The following INO80 variants were observed in gnomAD, a reference collection of about 807,000 sequenced individuals.
The protein encoded by INO80 is chromatin-remodeling ATPase INO80.
Under a neutral mutation model 203.4 loss-of-function variants are expected in INO80, and 20 were observed. The observed-to-expected ratio is 0.10, with a 90% confidence interval of 0.07 to 0.14. INO80 has a LOEUF of 0.14. Among genes scored for constraint, INO80 ranks in the 10% least tolerant of loss-of-function variants. INO80 has a pLI of 1.00. For synonymous variants in INO80, 726 were observed against 685.2 expected, an observed-to-expected ratio of 1.06 and a Z score of -0.93; for missense variants, 1,419 against 1,914.4, an observed-to-expected ratio of 0.74 and a Z score of 4.83.
intron 35 of INO80, among the ~76,000 whole-genome samples, chr15:40,981,295 C>T (rs1893819198): frequency 1.3e-5 from 2 of 152,272 alleles, no homozygotes; most frequent in South Asian, 2.1e-4. Flanking sequence ...CTCACCCTTT[C>T]TGCCCTCTAC....
intron 7 of INO80, among the ~76,000 whole-genome samples, chr15:41,081,433 A>C (rs566690887): frequency 6.6e-6 from 1 of 152,338 alleles, no homozygotes; most frequent in South Asian, 2.1e-4. Flanking sequence ...TGCAAGGCTG[A>C]GAGAGCAGGG....
chr15:40,981,392 T>G (rs887574234), intron 35 of INO80, among the ~76,000 whole-genome samples: 2 of 152,224 alleles, frequency 1.3e-5, no homozygotes, highest in African/African-American at 4.8e-5. Flanking sequence ...CCTGGACTAC[T>G]GGCATGACTG....
At chr15:41,093,580 T>C (rs1001703290) in intron 4 of INO80, among the ~76,000 whole-genome samples, 3 of 151,998 alleles carry the variant, frequency 2.0e-5, no homozygotes, top group African/African-American at 7.2e-5. Context: ...AAGGGTGAAT[T>C]TGGCCAGGCA....
chr15:41,047,284 A>G (rs2044785258), intron 23 of INO80, 124 bp downstream of exon 23: 9 of 724,536 alleles, frequency 1.2e-5, no homozygotes, highest in Non-Finnish European at 1.8e-5. Flanking sequence ...TATTCTTAAC[A>G]AAAGAAAATT....
At chr15:41,065,418 G>C (rs543252949) in intron 14 of INO80, among the ~76,000 whole-genome samples, 1 of 152,236 alleles carries the variant, frequency 6.6e-6, no homozygotes, top group African/African-American at 2.4e-5. Flanking sequence ...CTGGGCGACA[G>C]AGCAAGACTC....
At chr15:41,015,955 A>C in intron 27 of INO80, 133 bp downstream of exon 27, 1 of 728,478 alleles carries the variant, frequency 1.4e-6, no homozygotes, top group Non-Finnish European at 2.2e-6. Context: ...AAAAAAAAAA[A>C]AAAAGGAAAA....
chr15:41,052,645 C>G (rs2044895967), intron 19 of INO80, among the ~76,000 whole-genome samples: 1 of 140,678 alleles, frequency 7.1e-6, no homozygotes, highest in Non-Finnish European at 1.5e-5. Context: ...TGCATTCCAC[C>G]ATGGGTGACA....
chr15:41,099,530 C>T (rs1347086687), intron 1 of INO80, among the ~76,000 whole-genome samples: 1 of 151,818 alleles, frequency 6.6e-6, no homozygotes, highest in Non-Finnish European at 1.5e-5. Context: ...GCTTGTAATC[C>T]CAGCACTTTG....
chr15:41,031,085 A>ATG (rs2044452943), intron 24 of INO80, among the ~76,000 whole-genome samples: 1 of 152,186 alleles, frequency 6.6e-6, no homozygotes, highest in East Asian at 1.9e-4. Flanking sequence ...TATGTTCAAA[A>ATG]TGCTCAACAT....
At chr15:41,053,414 T>G (rs959831798) in intron 19 of INO80, among the ~76,000 whole-genome samples, 4 of 152,150 alleles carry the variant, frequency 2.6e-5, no homozygotes, top group Non-Finnish European at 4.4e-5. Flanking sequence ...TACAAATTAA[T>G]TCTTTGAAGA....
rs193277973 is a variant in INO80 at position 41,109,683 on chromosome 15, G to C, written c.-44+6290C>G. On this transcript the variant is annotated intron_variant, in intron 1 of 35. Transcript: ENST00000648947. ...GCGGTGGCTCACACCTGTAATCCCA[G>C]CACTTTGGGAGGCCGAGGCAGATGG... Among the ~76,000 whole-genome samples the C allele has an allele frequency of 2.7e-3, 407 of 151,934 alleles. 3 individuals carry two copies. The highest frequency in any genetic ancestry group is 0.013 in the South Asian group (61 of 4,804).
chr15:41,085,273 C>G lies in INO80; in HGVS notation c.873+96G>C, dbSNP rs2045544061. The G allele has an allele frequency of 5.8e-6, 6 of 1,031,978 alleles. No homozygotes were observed. The Middle Eastern group carries it at 8.4e-4, about 145-fold the overall frequency. 63.9% of individuals were successfully genotyped at this position (1,031,978 alleles called of 1,614,324 possible). Reference sequence around the variant, plus strand: ...ACAGATTAGTTTCTTTGCAGAATTCCTATCTGTGAAAGTATCTAGCTCTCA... The same window carrying G: ...ACAGATTAGTTTCTTTGCAGAATTCGTATCTGTGAAAGTATCTAGCTCTCA... On this transcript the variant is annotated intron_variant, in intron 7 of 35. Coordinates refer to ENST00000648947, the MANE Select transcript of INO80 (RefSeq NM_017553.3).
At chr15:41,038,718 A>T (rs1255136977) in intron 24 of INO80, among the ~76,000 whole-genome samples, 2 of 152,124 alleles carry the variant, frequency 1.3e-5, no homozygotes, top group African/African-American at 4.8e-5. Flanking sequence ...GGTCTTTAGT[A>T]CCTGACACTT....
intron 21 of INO80, among the ~76,000 whole-genome samples, 162 bp from the exon 22 acceptor site, chr15:41,048,438 T>TA (rs940710245): frequency 2.2e-4 from 33 of 152,082 alleles, no homozygotes; most frequent in African/African-American, 7.7e-4. Flanking sequence ...AGCATACATT[T>TA]AAAAAAATAC....
At chr15:41,059,728 GA>G in intron 15 of INO80, 138 bp downstream of exon 15, 1 of 552,226 alleles carries the variant, frequency 1.8e-6, no homozygotes, top group Non-Finnish European at 3.2e-6. Context: ...TATTGTATCA[GA>G]AAAATGGAAA....
Position 41,070,509 on chromosome 15 carries a change from A to G in INO80, c.1644T>C (p.Gly548=). 6.2e-7 allele frequency: 1 copy of G among 1,614,162 alleles called. No homozygotes were observed. ...NGILADEMGL[G]KTVQSIALLA... The stretch of plus-strand genomic sequence containing the variant: ...GAAGGGCAATGCTCTGTACTGTTTT[A>G]CCAAGGCCCATTTCATCAGCAAGAA... The change falls in exon 13 of 36, where the codon GGT becomes GGC. Residue 548 remains glycine, a synonymous_variant. Coordinates refer to ENST00000648947, the MANE Select transcript of INO80 (RefSeq NM_017553.3).
At chr15:41,033,146 T>C (rs2044516635) in intron 24 of INO80, among the ~76,000 whole-genome samples, 1 of 152,334 alleles carries the variant, frequency 6.6e-6, no homozygotes, top group South Asian at 2.1e-4. Flanking sequence ...GAATCAATAC[T>C]GGTACTGTAC....
At chr15:41,086,708 T>G (rs73399079) in intron 6 of INO80, among the ~76,000 whole-genome samples, 11,194 of 151,482 alleles carry the variant, frequency 0.074, 1,198 homozygotes, top group African/African-American at 0.24. Context: ...CTCACAAAGA[T>G]AGTTTAAAAC....
At chr15:41,072,890 C>T (rs1483539313) in intron 11 of INO80, among the ~76,000 whole-genome samples, 1 of 151,614 alleles carries the variant, frequency 6.6e-6, no homozygotes, top group East Asian at 1.9e-4. Flanking sequence ...ACGTCATTCT[C>T]CTGCCTCAGC....
Sources: gnomAD v4.1 joint callset for allele counts (sites outside exome capture counted in the v4.1 genomes callset) on GRCh38, gnomAD v4.1.1 for gene constraint, MANE v1.5 for transcripts, NCBI Gene and HGNC (gene_info 2026-07-23, HGNC 2026-07-21) for gene names.